HLA-B: variants seen among roughly 807,000 people sequenced by gnomAD.
HLA-B encodes the protein major histocompatibility complex, class I, B, also known as HLA class I antigen HLA-B.
In HLA-B, 31 loss-of-function variants were observed where a neutral mutation model predicts 41.5. That is an observed-to-expected ratio of 0.75 (90% confidence interval 0.56 to 1.01). The LOEUF (loss-of-function observed/expected upper bound fraction) is 1.01. Among genes scored for constraint, HLA-B ranks in the 50% least tolerant of loss-of-function variants. HLA-B has a pLI of 0.00. For synonymous variants in HLA-B, 138 were observed against 189.0 expected (o/e 0.73, Z 2.21); for missense variants, 369 against 457.2 (o/e 0.81, Z 1.76).
intron 1 of HLA-B, 42 bp from the exon 2 acceptor site, chr6:31,356,999 C>G (rs202190710): frequency 1.1e-6 from 1 of 929,012 alleles, no homozygotes; most frequent in Non-Finnish European, 1.4e-6. Flanking sequence ...ACCCTCCTCC[C>G]GGCGCGGCTC....
At chr6:31,355,917 G>A in intron 3 of HLA-B, 1 of 530,456 alleles carries the variant, frequency 1.9e-6, no homozygotes, top group Non-Finnish European at 3.3e-6. Context: ...CAAGGCTGCT[G>A]CAGGGGTCAA....
chr6:31,355,222 C>G lies in HLA-B; in HGVS notation c.897G>C (p.Glu299Asp), dbSNP rs778808034. The G allele has an allele frequency of 2.8e-6, 3 of 1,064,704 alleles. No homozygotes were observed. The highest frequency in any genetic ancestry group is 3.1e-5 in the African/African-American group (1 of 32,266). 66.0% of individuals were successfully genotyped at this position (1,064,704 alleles called of 1,614,324 possible). The change falls in exon 5 of 8, where the codon GAG (glutamate) becomes GAC (aspartate). Residue 299 changes from glutamate to aspartate, a missense_variant and splice_region_variant. Glu to Asp is a conservative substitution (Grantham distance 45). This residue lies in a region of HLA-B where 115 missense variants were observed against 78.7 expected (regional missense o/e 1.46). Coordinates refer to ENST00000412585, the MANE Select transcript of HLA-B (RefSeq NM_005514.8). ...GLPKPLTLRWEPSSQSTVPIV... is the reference protein window; with the variant it reads ...GLPKPLTLRWDPSSQSTVPIV... Reference sequence around the variant, plus strand: ...TGGGGACGGTGGACTGGGAAGACGGCTCTGGGAAAGGAGGGGAAGATGAGG... The same window carrying G: ...TGGGGACGGTGGACTGGGAAGACGGGTCTGGGAAAGGAGGGGAAGATGAGG...
rs151341421 is a variant in HLA-B at position 31,354,360 on chromosome 6, A to G, written c.*5-64T>C. 3.8e-4 allele frequency: 181 copies of G among 473,938 alleles called. 3 individuals carry two copies. In the Middle Eastern group the frequency reaches 6.6e-3, roughly 17 times the overall value. The allele number at this position is 473,938 out of a possible 1,614,324, so 29.4% of individuals were successfully genotyped here. On this transcript the variant is annotated intron_variant, in intron 7 of 7. Transcript: ENST00000412585. Reference sequence around the variant, plus strand: ...CATGGTAAGCGATGACACTCTAAACAGCCCACCACACACGCGAAACATCCC... The same window carrying G: ...CATGGTAAGCGATGACACTCTAAACGGCCCACCACACACGCGAAACATCCC...
At position 31,354,177 on chromosome 6, in the gene HLA-B, C is replaced by T. The variant is rs1287267095; in HGVS notation, c.*124G>A. 3 of 562,894 alleles carry T rather than the reference C, an allele frequency of 5.3e-6. No homozygotes were observed. Among genetic ancestry groups the T allele is most frequent in the African/African-American group, 1.8e-5 (1 of 54,416 alleles). The allele number at this position is 562,894 out of a possible 1,614,324, so 34.9% of individuals were successfully genotyped here. A position where few individuals can be genotyped will look rare whatever the true frequency, so the allele number is the denominator to read the frequency against. On this transcript the variant is annotated 3_prime_UTR_variant, in exon 8 of 8. Transcript: ENST00000412585. ...TCTCCACCTCCTCACATTATGCTAA[C>T]AGGGACGCAGACACATTCAGGTGCC...
chr6:31,355,850 C>G (rs1346511361), intron 3 of HLA-B: 1 of 636,894 alleles, frequency 1.6e-6, no homozygotes, highest in Admixed American at 2.4e-5. Context: ...AATCAGAGCC[C>G]CAAACACACT....
chr6:31,355,062 A>C (rs766922931), intron 5 of HLA-B, 45 bp downstream of exon 5: 1 of 702,194 alleles, frequency 1.4e-6, no homozygotes, highest in East Asian at 4.4e-5. Flanking sequence ...TGAAACCCCC[A>C]GTGGGACAAG....
intron 5 of HLA-B, 88 bp from the exon 6 acceptor site, chr6:31,354,753 G>A (rs886300970): frequency 5.4e-5 from 37 of 688,180 alleles, no homozygotes; most frequent in African/African-American, 4.4e-4. Context: ...GACCCAAAAG[G>A]AATTTCCAGA....
rs41553417 is a variant in HLA-B, at chr6:31,356,262, C to T, written c.524G>A (p.Arg175His). ...GTAGGCTCTCCGCTGCTCCGCCTCACGGGCCGCCTCCCACTTGCGCTGGGT... is the reference window on the plus strand; with the variant it reads ...GTAGGCTCTCCGCTGCTCCGCCTCATGGGCCGCCTCCCACTTGCGCTGGGT... ...QITQRKWEAA[R>H]EAEQRRAYLE... is the part of the protein sequence containing the mutation. Residue 175 changes from arginine to histidine, a missense_variant, in exon 3 of 8, where the codon CGT becomes CAT. Physicochemically the swap from Arg to His is conservative, Grantham distance 29 (BLOSUM62 0). Transcript: ENST00000412585. The T allele has an allele frequency of 2.4e-4, 323 of 1,343,014 alleles. 1 individual carries two copies. In the African/African-American group the frequency reaches 6.6e-3, roughly 28 times the overall value. 83.2% of individuals were successfully genotyped at this position (1,343,014 alleles called of 1,614,324 possible).
chr6:31,355,750 C>T (rs1582545710), intron 3 of HLA-B, 158 bp from the exon 4 acceptor site: 1 of 617,802 alleles, frequency 1.6e-6, no homozygotes, highest in South Asian at 1.7e-5. Flanking sequence ...GGGATAATCT[C>T]CTATTCATTG....
chr6:31,354,423 G>GCCCCCTC, intron 7 of HLA-B, 56 bp downstream of exon 7: 38 of 318,258 alleles, frequency 1.2e-4, no homozygotes, highest in Non-Finnish European at 1.5e-4. Context: ...TTTCCCCTCT[G>GCCCCCTC]CCCCACCCAC....
rs3819284 is a variant in HLA-B, at chr6:31,354,990, G to A, written c.1012+117C>T. ...GCTGGCACACAGGGTCCCAGGCTGC[G>A]TTAGCCCCTGTGTGCATGCTGCTTC... On this transcript the variant is annotated intron_variant, in intron 5 of 7. Coordinates refer to ENST00000412585, the MANE Select transcript of HLA-B (RefSeq NM_005514.8). 4.8e-3 allele frequency: 1,685 copies of A among 351,140 alleles called. 35 individuals carry two copies. The highest frequency in any genetic ancestry group is 0.016 in the East Asian group (255 of 16,026). The allele number at this position is 351,140 out of a possible 1,614,324, so 21.8% of individuals were successfully genotyped here. A position where few individuals can be genotyped will look rare whatever the true frequency, so the allele number is the denominator to read the frequency against.
chr6:31,355,959 T>G lies in HLA-B; in HGVS notation c.619+208A>C, dbSNP rs41552112. The G allele has an allele frequency of 9.1e-6, 4 of 437,840 alleles. No individual in the cohort carries two copies. In the African/African-American group the frequency reaches 1.4e-4, roughly 15 times the overall value. The allele number at this position is 437,840 out of a possible 1,614,324, so 27.1% of individuals were successfully genotyped here. A position where few individuals can be genotyped will look rare whatever the true frequency, so the allele number is the denominator to read the frequency against. ...CCCCTGATCAGTATTCTAGGGACTG[T>G]CTTCCCCTCCATTTCCTCAGAGACG... On this transcript the variant is annotated intron_variant, in intron 3 of 7. Coordinates refer to ENST00000412585, the MANE Select transcript of HLA-B (RefSeq NM_005514.8).
rs41554617 is a variant in HLA-B at position 31,355,730 on chromosome 6, G to T, written c.620-138C>A. ...ACAGAACCCAGACACCAGCCTGGAC[G>T]CAGGCACCTGGGATAATCTCCTATT... On this transcript the variant is annotated intron_variant, in intron 3 of 7. Transcript: ENST00000412585. 9.5e-6 allele frequency: 7 copies of T among 734,930 alleles called. 1 individual carries two copies. The highest frequency in any genetic ancestry group is 1.6e-5 in the Non-Finnish European group (7 of 442,542). 45.5% of individuals were successfully genotyped at this position (734,930 alleles called of 1,614,324 possible).
At chr6:31,355,688 TG>T in intron 3 of HLA-B, 96 bp from the exon 4 acceptor site, 1 of 1,029,890 alleles carries the variant, frequency 9.7e-7, no homozygotes, top group Non-Finnish European at 1.4e-6. Flanking sequence ...ACAGGACACC[TG>T]GGGTGGGGAA....
intron 1 of HLA-B, 56 bp from the exon 2 acceptor site, chr6:31,357,013 A>AG: frequency 1.2e-6 from 1 of 810,634 alleles, no homozygotes; most frequent in Non-Finnish European, 1.6e-6. Flanking sequence ...GCGGCTCCTC[A>AG]GGTCCTGCGC....
chr6:31,354,320 C>A, intron 7 of HLA-B, 24 bp from the exon 8 acceptor site: 2 of 583,180 alleles, frequency 3.4e-6, no homozygotes. Context: ...CAGTCATGAA[C>A]AAATTCTGGT....
intron 7 of HLA-B, 51 bp downstream of exon 7, chr6:31,354,428 A>ACCCCCCCCCCC: frequency 6.5e-6 from 1 of 153,872 alleles, no homozygotes; most frequent in Non-Finnish European, 1.1e-5. Flanking sequence ...CCTCTGCCCC[A>ACCCCCCCCCCC]CCCACCCCCA....
Position 31,356,890 on chromosome 6 carries a change from G to GCA in HLA-B, c.140_141insTG (p.Ser48AlafsTer12). The stretch of plus-strand genomic sequence containing the variant: ...GGGTGTCGTCCACGTAGCCCACTGA[G>GCA]ATGAAGCGGGGCTCCCCGCGGCCGG... On this transcript the variant is annotated frameshift_variant, in exon 2 of 8. Coordinates refer to ENST00000412585, the MANE Select transcript of HLA-B (RefSeq NM_005514.8). LOFTEE classifies it high-confidence loss of function. 1 of 1,106,186 alleles carries GCA rather than the reference G, an allele frequency of 9.0e-7. No individual in the cohort carries two copies. The highest frequency in any genetic ancestry group is 1.2e-6 in the Non-Finnish European group (1 of 829,792). The allele number at this position is 1,106,186 out of a possible 1,614,324, so 68.5% of individuals were successfully genotyped here. A position where few individuals can be genotyped will look rare whatever the true frequency, so the allele number is the denominator to read the frequency against.
At position 31,354,651 on chromosome 6, in the gene HLA-B, TC is replaced by T; in HGVS notation, c.1026del (p.Ser343AlafsTer29). The T allele has an allele frequency of 7.2e-7, 1 of 1,392,906 alleles. No individual in the cohort carries two copies. Among genetic ancestry groups the T allele is most frequent in the Non-Finnish European group, 9.5e-7 (1 of 1,054,340 alleles). The allele number at this position is 1,392,906 out of a possible 1,614,324, so 86.3% of individuals were successfully genotyped here. On this transcript the variant is annotated frameshift_variant, in exon 6 of 8. Transcript: ENST00000412585. LOFTEE classifies it high-confidence loss of function. ...CRRKSSGGKG[G>X]SYSQAACSDS... ...CACTTACACGCAGCCTGAGAGTAGC[TC>T]CCTCCTTTTCCACCTGTGGGAAGAA...
Sources: allele counts gnomAD v4.1 joint callset, GRCh38; gene constraint gnomAD v4.1.1; regional missense constraint gnomAD v4.1.1; transcripts MANE v1.5; gene names NCBI Gene and HGNC (gene_info 2026-07-23, HGNC 2026-07-21).